The following GCSAML variants were observed in gnomAD, a reference collection of about 807,000 sequenced individuals.
GCSAML encodes the protein germinal center-associated signaling and motility-like protein.
Under a neutral mutation model 13.0 loss-of-function variants are expected in GCSAML, and 9 were observed. The ratio of observed to expected loss-of-function variants is 0.69; its 90% CI spans 0.42 to 1.21. The LOEUF is 1.21. GCSAML is among the 50% of genes most tolerant of loss of function. The probability of loss-of-function intolerance (pLI) is 0.00; values close to 1 mark genes in which losing one functional copy is unlikely to be tolerated. For missense variants in GCSAML, 143 were observed against 153.4 expected, an observed-to-expected ratio of 0.93 and a Z score of 0.36; for synonymous variants, 37 against 52.9, an observed-to-expected ratio of 0.70 and a Z score of 1.31.
At chr1:247,560,227 A>G (rs1269604675) in intron 2 of GCSAML, among the ~76,000 whole-genome samples, 1 of 152,212 alleles carries the variant, frequency 6.6e-6, no homozygotes, top group Admixed American at 6.5e-5. Context: ...TGAATTCCCC[A>G]TTCACCAGCT....
chr1:247,569,483 G>C (rs1051501988), intron 4 of GCSAML, among the ~76,000 whole-genome samples: 1 of 152,104 alleles, frequency 6.6e-6, no homozygotes, highest in Non-Finnish European at 1.5e-5. Context: ...TTTGTCATTG[G>C]TTCTTTCTGT....
intron 2 of GCSAML, among the ~76,000 whole-genome samples, chr1:247,533,207 C>T (rs1667079353): frequency 6.6e-6 from 1 of 152,178 alleles, no homozygotes; most frequent in Non-Finnish European, 1.5e-5. Flanking sequence ...TAACTCATCT[C>T]TCTGCTTCTC....
Position 247,574,696 on chromosome 1 carries a change from A to G in GCSAML, c.*314A>G, listed in dbSNP as rs1668768571. The G allele has an allele frequency of 3.5e-6, 1 of 283,310 alleles. No individual in the cohort carries two copies. Among genetic ancestry groups the G allele is most frequent in the Non-Finnish European group, 6.6e-6 (1 of 150,524 alleles). The allele number at this position is 283,310 out of a possible 1,614,324, so 17.5% of individuals were successfully genotyped here. On this transcript the variant is annotated 3_prime_UTR_variant, in exon 5 of 5. Transcript: ENST00000366488. ...TGAAAATAAATTTCTAATCCCCCTG[A>G]CTAACTGAATGGACCCTCTTCTAGG... is the stretch of plus-strand genomic sequence containing the variant.
intron 1 of GCSAML, chr1:247,524,629 TAATTC>T (rs1666584538): frequency 6.6e-6 from 1 of 152,218 alleles, no homozygotes; most frequent in African/African-American, 2.4e-5. Context: ...GTTTAAATAA[TAATTC>T]ATTTCTTTGA....
In GCSAML at chr1:247,549,221, G is replaced by A. The variant is rs199793746; in HGVS notation, c.29+1G>A. On this transcript the variant is annotated splice_donor_variant, in intron 1 of 4. Coordinates refer to ENST00000366488, the MANE Select transcript of GCSAML (RefSeq NM_145278.5). LOFTEE classifies it high-confidence loss of function. ...GAAATTATCTCCTGCGAAAACTCAG[G>A]TGAGTCTTGACTCTTGGTGCCGCCT... 6 of 1,613,602 alleles carry A rather than the reference G, an allele frequency of 3.7e-6. No individual in the cohort carries two copies. Among genetic ancestry groups the A allele is most frequent in the Non-Finnish European group, 5.1e-6 (6 of 1,179,654 alleles).
chr1:247,555,826 G>A (rs899534609), intron 1 of GCSAML, among the ~76,000 whole-genome samples: 16 of 152,144 alleles, frequency 1.1e-4, no homozygotes, highest in African/African-American at 3.1e-4. Context: ...CTCTAACTTC[G>A]TCATTTAGTG....
rs550391277 is a variant in GCSAML, at chr1:247,550,586, G to A, written c.29+1366G>A. On this transcript the variant is annotated intron_variant, in intron 1 of 4. Transcript: ENST00000366488. ...CGGGAGGCGGAGCTTGCAGTGAGCC[G>A]AGATCCCGCCACTGCACTCCAGCCT... Among the ~76,000 whole-genome samples, 14 of 152,074 alleles carry A rather than the reference G, an allele frequency of 9.2e-5. No individual in the cohort carries two copies. The South Asian group carries it at 2.9e-3, about 32-fold the overall frequency.
chr1:247,532,552 G>C, intron 2 of GCSAML: 1 of 1,591,322 alleles, frequency 6.3e-7, no homozygotes. Flanking sequence ...TGTGGGAAGA[G>C]CACAGGGCAT....
upstream of GCSAML, among the ~76,000 whole-genome samples, chr1:247,547,515 A>G (rs1222158148): frequency 6.6e-6 from 1 of 152,230 alleles, no homozygotes; most frequent in Non-Finnish European, 1.5e-5. Flanking sequence ...TTTGAGGATT[A>G]ATGAGCTTAT....
intron 1 of GCSAML, among the ~76,000 whole-genome samples, chr1:247,549,705 A>G (rs1176571338): frequency 6.6e-6 from 1 of 152,256 alleles, no homozygotes; most frequent in Non-Finnish European, 1.5e-5. Context: ...TTGGTATGAG[A>G]ATGAACAGTT....
At chr1:247,516,667 C>G (rs186062218) in intron 1 of GCSAML, among the ~76,000 whole-genome samples, 3 of 151,190 alleles carry the variant, frequency 2.0e-5, no homozygotes, top group Admixed American at 1.3e-4. Context: ...GATTAGACCT[C>G]AAATGGACAC....
At chr1:247,535,155 A>T (rs770053659) in intron 2 of GCSAML, among the ~76,000 whole-genome samples, 6 of 152,180 alleles carry the variant, frequency 3.9e-5, no homozygotes, top group African/African-American at 1.4e-4. Flanking sequence ...TTTACAAAAA[A>T]ATAAAATAAA....
At chr1:247,546,573 G>C (rs1390420494), upstream of GCSAML, among the ~76,000 whole-genome samples, 5 of 151,902 alleles carry the variant, frequency 3.3e-5, no homozygotes, top group African/African-American at 7.2e-5. Flanking sequence ...GTGTTAGCCA[G>C]GATGGTCTCA....
chr1:247,574,644 A>G lies in GCSAML; in HGVS notation c.*262A>G, dbSNP rs1009135436. ...TTTGAGGACATGGAGGTGATAAAAAAAACTTTCTTAGGACAATAATGTAAA... is the reference window on the plus strand; with the variant it reads ...TTTGAGGACATGGAGGTGATAAAAAGAACTTTCTTAGGACAATAATGTAAA... On this transcript the variant is annotated 3_prime_UTR_variant, in exon 5 of 5. Transcript: ENST00000366488. 1 of 423,620 alleles carries G rather than the reference A, an allele frequency of 2.4e-6. No individual in the cohort carries two copies. The highest frequency in any genetic ancestry group is 4.1e-5 in the Admixed American group (1 of 24,678). 26.2% of individuals were successfully genotyped at this position (423,620 alleles called of 1,614,324 possible).
At chr1:247,545,767 A>G (rs1667546787), upstream of GCSAML, among the ~76,000 whole-genome samples, 1 of 152,154 alleles carries the variant, frequency 6.6e-6, no homozygotes, top group African/African-American at 2.4e-5. Flanking sequence ...GAGCTGTGTG[A>G]GTTCCTTAAA....
At chr1:247,550,741 G>C (rs560161057) in intron 1 of GCSAML, among the ~76,000 whole-genome samples, 1 of 152,128 alleles carries the variant, frequency 6.6e-6, no homozygotes, top group Non-Finnish European at 1.5e-5. Context: ...GAGGACAAAT[G>C]ACACAATTGT....
At chr1:247,507,665 C>T (rs1301907526) in intron 1 of GCSAML, among the ~76,000 whole-genome samples, 1 of 152,140 alleles carries the variant, frequency 6.6e-6, no homozygotes, top group Non-Finnish European at 1.5e-5. Flanking sequence ...AATGCTATCC[C>T]TCTCCTAGCC....
At chr1:247,537,350 CT>C (rs1667257896) in intron 2 of GCSAML, among the ~76,000 whole-genome samples, 1 of 152,154 alleles carries the variant, frequency 6.6e-6, no homozygotes, top group African/African-American at 2.4e-5. Flanking sequence ...ACTCTACCAC[CT>C]TTTGTTTATT....
At chr1:247,536,895 G>T (rs1667238394) in intron 2 of GCSAML, among the ~76,000 whole-genome samples, 1 of 151,946 alleles carries the variant, frequency 6.6e-6, no homozygotes, top group Non-Finnish European at 1.5e-5. Flanking sequence ...TTTATTATTG[G>T]TGTATACATC....
Sources: gnomAD v4.1 joint callset for allele counts (sites outside exome capture counted in the v4.1 genomes callset) on GRCh38, gnomAD v4.1.1 for gene constraint, MANE v1.5 for transcripts, NCBI Gene and HGNC (gene_info 2026-07-23, HGNC 2026-07-21) for gene names.